The following CACNA2D1 variants were observed in gnomAD, a reference collection of about 807,000 sequenced individuals.
The protein encoded by CACNA2D1 is calcium voltage-gated channel auxiliary subunit alpha2delta 1.
In CACNA2D1, 53 loss-of-function variants were observed where a neutral mutation model predicts 171.5. The observed-to-expected ratio is 0.31, with a 90% confidence interval of 0.25 to 0.39. The LOEUF (loss-of-function observed/expected upper bound fraction) is 0.39. Ranked by LOEUF, CACNA2D1 falls within the 10% of genes least tolerant of loss-of-function variation. The pLI, the probability that CACNA2D1 is intolerant of heterozygous loss-of-function variation, is 1.00. For synonymous variants in CACNA2D1, 442 were observed against 443.1 expected (o/e 1.00, Z 0.03); for missense variants, 903 against 1,299.8 (o/e 0.69, Z 4.69).
intron 1 of CACNA2D1, among the ~76,000 whole-genome samples, chr7:82,359,624 A>AG (rs1023145312): frequency 6.6e-6 from 1 of 151,858 alleles, no homozygotes; most frequent in Non-Finnish European, 1.5e-5. Flanking sequence ...TCTGGGCTTC[A>AG]GGTCCCTCTT....
intron 3 of CACNA2D1, among the ~76,000 whole-genome samples, chr7:82,322,255 C>T (rs1003583985): frequency 6.7e-6 from 1 of 149,668 alleles, no homozygotes; most frequent in Non-Finnish European, 1.5e-5. Flanking sequence ...GTGGCTTAGA[C>T]ATTCAACTGC....
intron 1 of CACNA2D1, among the ~76,000 whole-genome samples, chr7:82,382,138 G>GT (rs1215786320): frequency 1.3e-5 from 2 of 152,284 alleles, no homozygotes; most frequent in South Asian, 2.1e-4. Flanking sequence ...TTGAAGCAGG[G>GT]TTACAGACTG....
intron 6 of CACNA2D1, among the ~76,000 whole-genome samples, chr7:82,085,297 G>A (rs80065294): frequency 7.2e-5 from 11 of 152,026 alleles, no homozygotes; most frequent in African/African-American, 9.7e-5. Context: ...TGTGACATGC[G>A]AAAATGTCTC....
Position 82,299,861 on chromosome 7 carries a change from T to C in CACNA2D1, c.294+35274A>G, listed in dbSNP as rs1235734839. Among the ~76,000 whole-genome samples the C allele has an allele frequency of 1.3e-5, 2 of 152,172 alleles. 1 individual carries two copies. The highest frequency in any genetic ancestry group is 4.1e-4 in the South Asian group (2 of 4,828). On this transcript the variant is annotated intron_variant, in intron 3 of 38. Transcript: ENST00000356860. ...TTATAAAGGGAAAAAACCTATATTT[T>C]ACTCATTAACCAACTTATTCATTCA...
chr7:82,010,014 C>T (rs1252571471), intron 15 of CACNA2D1, among the ~76,000 whole-genome samples: 1 of 151,926 alleles, frequency 6.6e-6, no homozygotes, highest in Non-Finnish European at 1.5e-5. Context: ...AGTGCTTCCC[C>T]AACTTTTATG....
intron 36 of CACNA2D1, among the ~76,000 whole-genome samples, chr7:81,961,448 CTTTT>C (rs564515673): frequency 6.6e-6 from 1 of 150,488 alleles, no homozygotes; most frequent in African/African-American, 2.4e-5. Context: ...CAAAACAAGA[CTTTT>C]TTTTTGTAAA....
intron 4 of CACNA2D1, among the ~76,000 whole-genome samples, chr7:82,168,999 A>G (rs1795746791): frequency 6.6e-6 from 1 of 152,078 alleles, no homozygotes; most frequent in Non-Finnish European, 1.5e-5. Context: ...TGATCTAGCC[A>G]TACATCTATT....
intron 3 of CACNA2D1, among the ~76,000 whole-genome samples, chr7:82,195,099 A>T (rs1429446256): frequency 6.6e-6 from 1 of 152,050 alleles, no homozygotes; most frequent in Non-Finnish European, 1.5e-5. Flanking sequence ...CAATGATTCC[A>T]TTACCAATTA....
At chr7:82,258,896 C>A (rs1490413873) in intron 3 of CACNA2D1, among the ~76,000 whole-genome samples, 1 of 142,724 alleles carries the variant, frequency 7.0e-6, no homozygotes, top group Non-Finnish European at 1.5e-5. Flanking sequence ...GGCCCAGTCT[C>A]AGCTCCCTGC....
chr7:82,307,644 G>A (rs1283230494), intron 3 of CACNA2D1, among the ~76,000 whole-genome samples: 1 of 151,956 alleles, frequency 6.6e-6, no homozygotes, highest in Non-Finnish European at 1.5e-5. Context: ...GAGGGCTATT[G>A]CTCTCCTGTT....
At chr7:82,011,501 A>G (rs1415370169) in intron 15 of CACNA2D1, among the ~76,000 whole-genome samples, 3 of 152,176 alleles carry the variant, frequency 2.0e-5, no homozygotes. Context: ...AAATATAATG[A>G]CATATCTTTA....
At chr7:82,400,079 G>A (rs189162813) in intron 1 of CACNA2D1, among the ~76,000 whole-genome samples, 6,546 of 150,960 alleles carry the variant, frequency 0.043, 168 homozygotes, top group Middle Eastern at 0.065. Context: ...TTTGGTACCA[G>A]TACCATGCTG....
chr7:82,417,061 C>T (rs945234865), intron 1 of CACNA2D1, among the ~76,000 whole-genome samples: 3 of 152,184 alleles, frequency 2.0e-5, no homozygotes, highest in Non-Finnish European at 4.4e-5. Context: ...GTTAATACAT[C>T]TACAATCTAC....
intron 1 of CACNA2D1, among the ~76,000 whole-genome samples, chr7:82,353,506 T>C (rs1248888944): frequency 6.6e-6 from 1 of 151,710 alleles, no homozygotes; most frequent in Non-Finnish European, 1.5e-5. Flanking sequence ...TCCATAGAAA[T>C]TAAAGATCAA....
intron 5 of CACNA2D1, among the ~76,000 whole-genome samples, chr7:82,124,331 TC>T (rs530023047): frequency 1.6e-3 from 240 of 152,124 alleles, no homozygotes; most frequent in African/African-American, 5.1e-3. Context: ...TCCACCCTCT[TC>T]CCAGGGCAGA....
At position 82,005,777 on chromosome 7, in the gene CACNA2D1, T is replaced by C; in HGVS notation, c.1503A>G (p.Thr501=). The C allele has an allele frequency of 6.3e-7, 1 of 1,596,024 alleles. No homozygotes were observed. The highest frequency in any genetic ancestry group is 8.6e-7 in the Non-Finnish European group (1 of 1,163,680). Residue 501 remains threonine (T), a synonymous_variant, in exon 17 of 39, where the codon ACA becomes ACG. Coordinates refer to ENST00000356860, the MANE Select transcript of CACNA2D1 (RefSeq NM_000722.4). ...AATTTCATCTTACTGTAAAACGTGGTGTCAGTCTTTTAATATCTTCCAAAG... is the reference window on the plus strand; with the variant it reads ...AATTTCATCTTACTGTAAAACGTGGCGTCAGTCTTTTAATATCTTCCAAAG... ...DVSLEDIKRL[T]PRFTLCPNGY... is the part of the protein sequence containing the mutation.
intron 1 of CACNA2D1, among the ~76,000 whole-genome samples, chr7:82,388,666 A>G (rs936195626): frequency 1.3e-5 from 2 of 152,240 alleles, no homozygotes; most frequent in African/African-American, 4.8e-5. Flanking sequence ...CTTAAAGTTT[A>G]TATGAGGTCC....
At chr7:82,137,092 T>C (rs963354880) in intron 4 of CACNA2D1, among the ~76,000 whole-genome samples, 3 of 152,200 alleles carry the variant, frequency 2.0e-5, no homozygotes, top group Admixed American at 6.5e-5. Flanking sequence ...GAAATGATTC[T>C]GGAGGAAATG....
chr7:82,419,788 G>T (rs1430804173), intron 1 of CACNA2D1, among the ~76,000 whole-genome samples: 1 of 152,166 alleles, frequency 6.6e-6, no homozygotes, highest in Non-Finnish European at 1.5e-5. Flanking sequence ...ACGGAAACAT[G>T]TATCATGGGT....
Sources: gnomAD v4.1 joint callset for allele counts (sites outside exome capture counted in the v4.1 genomes callset) on GRCh38, gnomAD v4.1.1 for gene constraint, MANE v1.5 for transcripts, NCBI Gene and HGNC (gene_info 2026-07-23, HGNC 2026-07-21) for gene names.